PRKN: variants seen among roughly 807,000 people sequenced by gnomAD.
The protein encoded by PRKN is parkin RBR E3 ubiquitin protein ligase, also known as E3 ubiquitin-protein ligase parkin.
A neutral mutation model predicts 59.5 loss-of-function variants in PRKN; 56 were observed. The observed-to-expected ratio is 0.94, with a 90% CI of 0.76 to 1.18. The LOEUF is 1.18. Among genes scored for constraint, PRKN ranks in the 50% most tolerant of loss-of-function variants. PRKN has a pLI of 0.00. For synonymous variants in PRKN, 250 were observed against 222.1 expected (o/e 1.13, Z -1.12); for missense variants, 657 against 596.4 (o/e 1.10, Z -1.06).
chr6:161,959,092 A>T (rs1323410824), intron 6 of PRKN, among the ~76,000 whole-genome samples: 1 of 152,124 alleles, frequency 6.6e-6, no homozygotes, highest in Non-Finnish European at 1.5e-5. Context: ...CACACTGTAC[A>T]CTTTCTCTTC....
At chr6:162,500,144 C>T (rs1003898436) in intron 1 of PRKN, among the ~76,000 whole-genome samples, 1 of 150,898 alleles carries the variant, frequency 6.6e-6, no homozygotes, top group African/African-American at 2.4e-5. Context: ...TCACACCAAA[C>T]AGCCACAAAC....
chr6:161,846,089 C>T (rs1793187882), intron 6 of PRKN, among the ~76,000 whole-genome samples: 1 of 152,102 alleles, frequency 6.6e-6, no homozygotes, highest in Non-Finnish European at 1.5e-5. Context: ...GGCTCCAAGG[C>T]TGTTATGCTG....
At chr6:162,019,585 C>T (rs765879399) in intron 5 of PRKN, among the ~76,000 whole-genome samples, 1 of 152,178 alleles carries the variant, frequency 6.6e-6, no homozygotes, top group Non-Finnish European at 1.5e-5. Flanking sequence ...TGACAGGACC[C>T]AGCTGAAGAG....
At chr6:161,935,943 AAAATT>A (rs1779340897) in intron 6 of PRKN, among the ~76,000 whole-genome samples, 4 of 152,222 alleles carry the variant, frequency 2.6e-5, no homozygotes, top group African/African-American at 9.6e-5. Flanking sequence ...TTCTGAGTGA[AAAATT>A]AAAGTTGAGC....
intron 2 of PRKN, among the ~76,000 whole-genome samples, chr6:162,272,565 G>A (rs1295969412): frequency 6.6e-6 from 1 of 152,092 alleles, no homozygotes; most frequent in East Asian, 1.9e-4. Flanking sequence ...GGGGAGGTCA[G>A]CACTACCCAA....
At chr6:161,537,740 T>G (rs28619035) in intron 9 of PRKN, among the ~76,000 whole-genome samples, 2 of 152,186 alleles carry the variant, frequency 1.3e-5, no homozygotes, top group African/African-American at 2.4e-5. Context: ...CGTGAGCCAC[T>G]GCGCCCGGCC....
chr6:161,477,472 C>T (rs1176698143), intron 9 of PRKN, among the ~76,000 whole-genome samples: 1 of 144,898 alleles, frequency 6.9e-6, no homozygotes, highest in East Asian at 2.0e-4. Context: ...GCCGAGATCA[C>T]ACCATTGCAC....
chr6:162,148,866 T>A (rs992528928), intron 4 of PRKN, among the ~76,000 whole-genome samples: 2 of 152,172 alleles, frequency 1.3e-5, no homozygotes, highest in Non-Finnish European at 2.9e-5. Flanking sequence ...AAAGCCTCCT[T>A]TTATACTTTC....
At chr6:161,921,783 G>C (rs914003028) in intron 6 of PRKN, among the ~76,000 whole-genome samples, 7 of 152,324 alleles carry the variant, frequency 4.6e-5, no homozygotes, top group African/African-American at 1.7e-4. Context: ...TAACTTGCCA[G>C]CCAGTCACTG....
chr6:162,452,638 A>G (rs559667452), intron 1 of PRKN, among the ~76,000 whole-genome samples: 1 of 152,318 alleles, frequency 6.6e-6, no homozygotes, highest in East Asian at 1.9e-4. Context: ...ATTCCAAAAA[A>G]TATTGAAATA....
rs1240044527 is a variant in PRKN, at chr6:162,472,787, G to A, written c.8-29314C>T. On this transcript the variant is annotated intron_variant, in intron 1 of 11. Transcript: ENST00000366898. ...ATTACAGGTGTGAGCCACCGCGCCC[G>A]GCCCCAAACTTTTATTTTATATATA... Among the ~76,000 whole-genome samples the A allele has an allele frequency of 4.5e-5, 4 of 89,216 alleles. 1 individual carries two copies. Among genetic ancestry groups the A allele is most frequent in the Non-Finnish European group, 7.5e-5 (3 of 39,928 alleles). The allele number at this position is 89,216 out of a possible 152,430, so 58.5% of individuals were successfully genotyped here.
intron 2 of PRKN, among the ~76,000 whole-genome samples, chr6:162,368,720 C>T (rs1785588023): frequency 6.6e-6 from 1 of 152,208 alleles, no homozygotes; most frequent in Non-Finnish European, 1.5e-5. Context: ...ATGCAGACAA[C>T]TAACTAGTGG....
At chr6:162,517,137 T>G (rs56329613) in intron 1 of PRKN, among the ~76,000 whole-genome samples, 13,612 of 151,694 alleles carry the variant, frequency 0.09, 659 homozygotes, top group South Asian at 0.17. Context: ...ATTGCTGCAT[T>G]TTAGACTCTT....
In PRKN at chr6:161,502,898, G is replaced by A. The variant is rs892827027; in HGVS notation, c.1083+45956C>T. On this transcript the variant is annotated intron_variant, in intron 9 of 11. Transcript: ENST00000366898. This position sits in a 1 kb window ranked among gnomAD's most constrained non-coding sequence, Gnocchi z 4.0. ...GTAGGTGCGTAACCCTGGGGATGTCGCTTAATTGCTTTAACCTTCACTTTC... is the reference window on the plus strand; with the variant it reads ...GTAGGTGCGTAACCCTGGGGATGTCACTTAATTGCTTTAACCTTCACTTTC... Among the ~76,000 whole-genome samples, 15 of 152,252 alleles carry A rather than the reference G, an allele frequency of 9.9e-5. No individual in the cohort carries two copies. The highest frequency in any genetic ancestry group is 1.8e-4 in the Non-Finnish European group (12 of 68,014).
intron 5 of PRKN, among the ~76,000 whole-genome samples, chr6:162,018,971 T>C (rs1456374931): frequency 6.6e-6 from 1 of 152,208 alleles, no homozygotes; most frequent in Non-Finnish European, 1.5e-5. Context: ...ATTATATCAC[T>C]ACATTAAAAT....
At chr6:161,600,989 A>G (rs1157366272) in intron 7 of PRKN, among the ~76,000 whole-genome samples, 3 of 152,262 alleles carry the variant, frequency 2.0e-5, no homozygotes, top group African/African-American at 2.4e-5. Context: ...CCATTCACTC[A>G]TAATTCATCA....
At chr6:161,815,544 T>C (rs1791739547) in intron 6 of PRKN, among the ~76,000 whole-genome samples, 1 of 152,186 alleles carries the variant, frequency 6.6e-6, no homozygotes, top group South Asian at 2.1e-4. Context: ...TTTATCTCCC[T>C]CCCTGAAGCA....
chr6:161,662,591 C>G (rs979190135), intron 7 of PRKN, among the ~76,000 whole-genome samples: 1 of 152,172 alleles, frequency 6.6e-6, no homozygotes, highest in Non-Finnish European at 1.5e-5. Context: ...GTGGCAAGTG[C>G]AGCAGCTTCT....
intron 7 of PRKN, among the ~76,000 whole-genome samples, chr6:161,708,355 A>T (rs1014565541): frequency 1.8e-4 from 27 of 152,060 alleles, no homozygotes; most frequent in African/African-American, 6.3e-4. Flanking sequence ...TGTGAATTTA[A>T]ACATCCAAAA....
Sources: allele counts gnomAD v4.1 joint callset (sites outside exome capture counted in the v4.1 genomes callset), GRCh38; gene constraint gnomAD v4.1.1; non-coding constraint Gnocchi (gnomAD v3.1); transcripts MANE v1.5; gene names NCBI Gene and HGNC (gene_info 2026-07-23, HGNC 2026-07-21).